The following ANO3 variants were observed in gnomAD, a reference collection of about 807,000 sequenced individuals.
ANO3 encodes anoctamin-3.
A neutral mutation model predicts 144.8 loss-of-function variants in ANO3; 99 were observed. That is an observed-to-expected ratio of 0.68 (90% CI 0.58 to 0.81). The LOEUF (loss-of-function observed/expected upper bound fraction) is 0.81. Among genes scored for constraint, ANO3 ranks in the 30% least tolerant of loss-of-function variants. The probability of loss-of-function intolerance (pLI) is 0.00; values close to 1 mark genes in which losing one functional copy is unlikely to be tolerated. For synonymous variants in ANO3, 414 were observed against 392.6 expected (o/e 1.05, Z -0.64); for missense variants, 905 against 1,202.2 (o/e 0.75, Z 3.66).
chr11:26,662,318 C>CA lies in ANO3; in HGVS notation c.*1874_*1875insA, dbSNP rs1003238891. 4 of 151,916 alleles carry CA rather than the reference C, an allele frequency of 2.6e-5. No homozygotes were observed. The highest frequency in any genetic ancestry group is 9.7e-5 in the African/African-American group (4 of 41,422). The allele number at this position is 151,916 out of a possible 1,614,324, so 9.4% of individuals were successfully genotyped here. ...ATTCCAGAGAGGTTCTCATGCTCCCCCCCCTCCTTATTTGTAGCAATCGTA... is the reference window on the plus strand; with the variant it reads ...ATTCCAGAGAGGTTCTCATGCTCCCCACCCCTCCTTATTTGTAGCAATCGTA... On this transcript the variant is annotated 3_prime_UTR_variant, in exon 27 of 27. Coordinates refer to ENST00000256737, the MANE Select transcript of ANO3 (RefSeq NM_031418.4).
At chr11:26,406,337 A>G (rs988865061) in intron 1 of ANO3, among the ~76,000 whole-genome samples, 2 of 151,736 alleles carry the variant, frequency 1.3e-5, no homozygotes, top group African/African-American at 4.8e-5. Flanking sequence ...TCAACTTCCA[A>G]AGGTCACACT....
intron 12 of ANO3, among the ~76,000 whole-genome samples, chr11:26,550,987 T>C (rs555975503): frequency 1.3e-5 from 2 of 152,048 alleles, no homozygotes; most frequent in East Asian, 1.9e-4. Flanking sequence ...TTTATTGTAG[T>C]TTTGATTTGC....
intron 1 of ANO3, among the ~76,000 whole-genome samples, chr11:26,435,814 C>T (rs1565023377): frequency 6.6e-6 from 1 of 152,034 alleles, no homozygotes; most frequent in Admixed American, 6.6e-5. Flanking sequence ...TTCTTAGTTT[C>T]CTGGATTGGG....
chr11:26,647,912 G>T, intron 24 of ANO3, 56 bp downstream of exon 24: 1 of 1,512,134 alleles, frequency 6.6e-7, no homozygotes. Flanking sequence ...AATTAAAATA[G>T]GATCTTACTG....
upstream of ANO3, among the ~76,000 whole-genome samples, chr11:26,327,494 T>C (rs1000689678): frequency 1.3e-5 from 2 of 152,154 alleles, no homozygotes; most frequent in Non-Finnish European, 2.9e-5. Flanking sequence ...AGGACAATCA[T>C]TCCCAGTGGA....
At chr11:26,545,714 A>T (rs1480410538) in intron 11 of ANO3, among the ~76,000 whole-genome samples, 1 of 11,876 alleles carries the variant, frequency 8.4e-5, no homozygotes, top group South Asian at 2.6e-3. Flanking sequence ...CACAAATATT[A>T]AAAAAAAAAA....
chr11:26,310,330 G>C (rs1193425006), intron 1 of ANO3, among the ~76,000 whole-genome samples: 1 of 152,150 alleles, frequency 6.6e-6, no homozygotes, highest in Admixed American at 6.5e-5. Context: ...CAATTGATTG[G>C]TTATTGGTTA....
At chr11:26,301,211 T>A (rs1854225584) in intron 1 of ANO3, among the ~76,000 whole-genome samples, 1 of 152,170 alleles carries the variant, frequency 6.6e-6, no homozygotes, top group Non-Finnish European at 1.5e-5. Flanking sequence ...AATCCCAGAA[T>A]GACAGATTGT....
intron 26 of ANO3, among the ~76,000 whole-genome samples, chr11:26,658,492 C>T (rs1359037421): frequency 8.6e-6 from 1 of 116,706 alleles, no homozygotes; most frequent in Non-Finnish European, 2.0e-5. Context: ...TGCCTGTAAT[C>T]CCAGCTACTC....
intron 1 of ANO3, among the ~76,000 whole-genome samples, chr11:26,437,520 C>T (rs1346298717): frequency 6.6e-6 from 1 of 152,234 alleles, no homozygotes; most frequent in African/African-American, 2.4e-5. Context: ...TTTCTCCATT[C>T]TCCATTGGTC....
In ANO3 at chr11:26,565,556, T is replaced by G. The variant is rs755559212; in HGVS notation, c.1447+5777T>G. The G allele has an allele frequency of 6.2e-6, 10 of 1,613,074 alleles. No homozygotes were observed. The African/African-American group carries it at 1.3e-4, about 22-fold the overall frequency. On this transcript the variant is annotated intron_variant, in intron 14 of 26. Transcript: ENST00000256737. ...GGCTTGTGGAAATGGTAGATGTGGG[T>G]TTTAGACTGCCCAAAGAATGCTCTG...
At chr11:26,222,030 C>T (rs977134519) in intron 1 of ANO3, among the ~76,000 whole-genome samples, 2 of 152,174 alleles carry the variant, frequency 1.3e-5, no homozygotes, top group African/African-American at 4.8e-5. Flanking sequence ...TCATCCCTTC[C>T]CAATAGTCCC....
chr11:26,438,732 C>T (rs909806257), intron 1 of ANO3, among the ~76,000 whole-genome samples: 29 of 148,390 alleles, frequency 2.0e-4, no homozygotes, highest in African/African-American at 5.5e-4. Context: ...GAGCTGAGAT[C>T]GCACCACTGC....
At chr11:26,596,740 A>G (rs11029627) in intron 14 of ANO3, among the ~76,000 whole-genome samples, 67,558 of 152,058 alleles carry the variant, frequency 0.44, 15,875 homozygotes, top group East Asian at 0.68. Flanking sequence ...CAAGAAAGTC[A>G]TGGTTAGGAC....
chr11:26,627,500 G>A (rs1046932158), intron 18 of ANO3, among the ~76,000 whole-genome samples: 25 of 152,090 alleles, frequency 1.6e-4, no homozygotes, highest in African/African-American at 6.0e-4. Context: ...TAAACCCTCT[G>A]AGCTGCATTT....
At chr11:26,354,397 A>AC (rs1173502684) in intron 1 of ANO3, among the ~76,000 whole-genome samples, 1 of 152,240 alleles carries the variant, frequency 6.6e-6, no homozygotes, top group Non-Finnish European at 1.5e-5. Flanking sequence ...TGATAGTTTC[A>AC]CAGGTGCATT....
chr11:26,588,832 A>T (rs1851361826), intron 14 of ANO3, among the ~76,000 whole-genome samples: 1 of 152,068 alleles, frequency 6.6e-6, no homozygotes, highest in African/African-American at 2.4e-5. Context: ...TCTCCTATTT[A>T]CTTCCTCTAT....
chr11:26,468,282 CACTT>C (rs1454111634), intron 4 of ANO3, among the ~76,000 whole-genome samples: 1 of 151,958 alleles, frequency 6.6e-6, no homozygotes, highest in Non-Finnish European at 1.5e-5. Context: ...CCACCACTGT[CACTT>C]ACGATGCCCA....
chr11:26,229,138 G>A (rs1054417060), intron 1 of ANO3, among the ~76,000 whole-genome samples: 2 of 151,946 alleles, frequency 1.3e-5, no homozygotes, highest in African/African-American at 4.8e-5. Flanking sequence ...TACTATATTG[G>A]TAGAAATTTC....
Sources: allele counts gnomAD v4.1 joint callset (sites outside exome capture counted in the v4.1 genomes callset), GRCh38; gene constraint gnomAD v4.1.1; transcripts MANE v1.5; gene names NCBI Gene and HGNC (gene_info 2026-07-23, HGNC 2026-07-21).